Variants in DPP10 observed in about 807,000 individuals in gnomAD.
DPP10 encodes the protein inactive dipeptidyl peptidase 10.
Under a neutral mutation model 120.9 loss-of-function variants are expected in DPP10, and 33 were observed. The ratio of observed to expected loss-of-function variants is 0.27; its 90% CI spans 0.21 to 0.37. The LOEUF (loss-of-function observed/expected upper bound fraction) is 0.37. Among genes scored for constraint, DPP10 ranks in the 10% least tolerant of loss-of-function variants. DPP10 has a pLI of 1.00. For missense variants in DPP10, 816 were observed against 942.8 expected, an observed-to-expected ratio of 0.87 and a Z score of 1.76; for synonymous variants, 337 against 326.1, an observed-to-expected ratio of 1.03 and a Z score of -0.36.
chr2:114,928,932 G>A (rs373436440), intron 1 of DPP10, among the ~76,000 whole-genome samples: 42 of 152,268 alleles, frequency 2.8e-4, no homozygotes, highest in African/African-American at 8.7e-4. Flanking sequence ...AGGAGCTATC[G>A]GGGGAACCAG....
intron 1 of DPP10, among the ~76,000 whole-genome samples, chr2:114,995,759 T>C (rs1204277494): frequency 2.6e-5 from 4 of 152,168 alleles, no homozygotes; most frequent in Non-Finnish European, 5.9e-5. Context: ...AGTAAACACA[T>C]TAGGTCTGGA....
intron 5 of DPP10, among the ~76,000 whole-genome samples, chr2:115,602,540 G>A (rs2083397681): frequency 6.6e-6 from 1 of 151,934 alleles, no homozygotes; most frequent in Admixed American, 6.6e-5. Context: ...TTTGCTCTTT[G>A]GAGTCATATA....
chr2:115,315,481 A>C (rs77259433), intron 2 of DPP10, among the ~76,000 whole-genome samples: 6,858 of 152,258 alleles, frequency 0.045, 223 homozygotes, highest in Non-Finnish European at 0.073. Context: ...GTTGTACTAT[A>C]TTGCAGACAA....
intron 1 of DPP10, among the ~76,000 whole-genome samples, chr2:114,738,784 T>G (rs2105975969): frequency 6.6e-6 from 1 of 152,252 alleles, no homozygotes; most frequent in Admixed American, 6.5e-5. Context: ...AGCCATATAC[T>G]CATGACTTCT....
At chr2:115,819,175 C>A (rs1687563831) in intron 21 of DPP10, among the ~76,000 whole-genome samples, 1 of 152,126 alleles carries the variant, frequency 6.6e-6, no homozygotes, top group Admixed American at 6.6e-5. Flanking sequence ...AAATTTGGAG[C>A]TATTGCTTTC....
chr2:115,352,459 C>T (rs547625582), intron 3 of DPP10, among the ~76,000 whole-genome samples: 1 of 152,096 alleles, frequency 6.6e-6, no homozygotes, highest in African/African-American at 2.4e-5. Flanking sequence ...TGGTCTTGGC[C>T]TTGATGGCCC....
chr2:114,736,901 T>G (rs1447170757), intron 1 of DPP10, among the ~76,000 whole-genome samples: 7 of 152,186 alleles, frequency 4.6e-5, no homozygotes, highest in Admixed American at 3.9e-4. Context: ...AGTGGGTTAG[T>G]TTTTTAACTG....
chr2:114,531,207 G>A (rs981621658), intron 1 of DPP10, among the ~76,000 whole-genome samples: 1 of 152,034 alleles, frequency 6.6e-6, no homozygotes, highest in Admixed American at 6.6e-5. Flanking sequence ...GGGGAAGGGA[G>A]GCATAAATAA....
intron 2 of DPP10, among the ~76,000 whole-genome samples, chr2:115,311,442 C>T (rs1312711357): frequency 6.6e-6 from 1 of 152,056 alleles, no homozygotes; most frequent in Non-Finnish European, 1.5e-5. Flanking sequence ...AGGTATAAAA[C>T]CTCTCAGGAA....
chr2:115,701,280 C>A (rs2091877847), intron 7 of DPP10, among the ~76,000 whole-genome samples: 1 of 151,908 alleles, frequency 6.6e-6, no homozygotes, highest in African/African-American at 2.4e-5. Flanking sequence ...AAGAGAGAGT[C>A]CAAAAATAAA....
intron 1 of DPP10, among the ~76,000 whole-genome samples, chr2:115,101,373 T>C (rs533186046): frequency 2.6e-5 from 4 of 152,156 alleles, no homozygotes; most frequent in Non-Finnish European, 4.4e-5. Flanking sequence ...TTTTGGTATA[T>C]AGTATAATTC....
intron 1 of DPP10, among the ~76,000 whole-genome samples, chr2:114,624,620 A>G (rs966695492): frequency 6.6e-6 from 1 of 151,842 alleles, no homozygotes; most frequent in African/African-American, 2.4e-5. Flanking sequence ...TGTGGCAGGC[A>G]CTCTGTGGTG....
chr2:114,570,856 AAAAAG>A (rs1689586584), intron 1 of DPP10, among the ~76,000 whole-genome samples: 1 of 150,960 alleles, frequency 6.6e-6, no homozygotes, highest in Non-Finnish European at 1.5e-5. Flanking sequence ...AAAAAAAAAA[AAAAAG>A]AAAAGTAGAT....
In DPP10 at chr2:115,627,933, T is replaced by C. The variant is rs147638301; in HGVS notation, c.442-61754T>C. ...AGTCTATTATTGATGGGCATTTGGG[T>C]TGATTTCATATCTTTGCTATTGTGA... On this transcript the variant is annotated intron_variant, in intron 5 of 25. Coordinates refer to ENST00000410059, the MANE Select transcript of DPP10 (RefSeq NM_020868.6). Among the ~76,000 whole-genome samples, 779 of 152,316 alleles carry C rather than the reference T, an allele frequency of 5.1e-3. 5 individuals are homozygous for C. Among genetic ancestry groups the C allele is most frequent in the African/African-American group, 0.018 (740 of 41,562 alleles).
At chr2:114,628,561 T>G (rs775105005) in intron 1 of DPP10, among the ~76,000 whole-genome samples, 9 of 152,172 alleles carry the variant, frequency 5.9e-5, no homozygotes, top group Non-Finnish European at 1.3e-4. Flanking sequence ...TTCATGGGTC[T>G]TTTGCCAACC....
intron 1 of DPP10, among the ~76,000 whole-genome samples, chr2:115,258,556 A>G (rs1025743800): frequency 6.6e-6 from 1 of 152,214 alleles, no homozygotes; most frequent in Non-Finnish European, 1.5e-5. Context: ...TTGAATATAG[A>G]ATAATTTGTA....
At chr2:115,315,348 C>T (rs2061743817) in intron 2 of DPP10, among the ~76,000 whole-genome samples, 1 of 151,792 alleles carries the variant, frequency 6.6e-6, no homozygotes, top group Admixed American at 6.6e-5. Context: ...AAATTAAGGA[C>T]TTTATTGGAC....
At chr2:115,055,646 A>T (rs1402811926) in intron 1 of DPP10, among the ~76,000 whole-genome samples, 1 of 152,184 alleles carries the variant, frequency 6.6e-6, no homozygotes, top group Non-Finnish European at 1.5e-5. Flanking sequence ...ATGTTCATGT[A>T]TTGCTAGTTG....
At chr2:115,417,323 A>G (rs2069520576) in intron 3 of DPP10, among the ~76,000 whole-genome samples, 1 of 152,156 alleles carries the variant, frequency 6.6e-6, no homozygotes, top group Non-Finnish European at 1.5e-5. Flanking sequence ...GCTCTTAGAA[A>G]ATGATGTCGA....
Sources: gnomAD v4.1 joint callset for allele counts (sites outside exome capture counted in the v4.1 genomes callset) on GRCh38, gnomAD v4.1.1 for gene constraint, MANE v1.5 for transcripts, NCBI Gene and HGNC (gene_info 2026-07-23, HGNC 2026-07-21) for gene names.